RALGAPA1: variants seen among roughly 807,000 people sequenced by gnomAD.
RALGAPA1 encodes ral GTPase-activating protein subunit alpha-1.
In RALGAPA1, 52 loss-of-function variants were observed where a neutral mutation model predicts 269.6. The ratio of observed to expected loss-of-function variants is 0.19; its 90% CI spans 0.15 to 0.24. The LOEUF is 0.24. Ranked by LOEUF, RALGAPA1 falls within the 10% of genes least tolerant of loss-of-function variation. RALGAPA1 has a pLI of 1.00. For synonymous variants in RALGAPA1, 817 were observed against 1,008.3 expected (o/e 0.81, Z 3.60); for missense variants, 1,917 against 3,013.9 (o/e 0.64, Z 8.52).
chr14:35,796,812 G>GC (rs2076595059), intron 1 of RALGAPA1, among the ~76,000 whole-genome samples: 1 of 150,146 alleles, frequency 6.7e-6, no homozygotes, highest in Non-Finnish European at 1.5e-5. Context: ...ATGGAGTCTC[G>GC]CTCTGTTGCC....
intron 31 of RALGAPA1, among the ~76,000 whole-genome samples, chr14:35,643,583 C>T (rs2062178989): frequency 6.6e-6 from 1 of 152,182 alleles, no homozygotes; most frequent in African/African-American, 2.4e-5. Context: ...TACCTACATT[C>T]CCATGTTTAC....
intron 41 of RALGAPA1, among the ~76,000 whole-genome samples, chr14:35,544,978 T>C (rs1046268337): frequency 6.6e-6 from 1 of 151,936 alleles, no homozygotes; most frequent in Middle Eastern, 3.4e-3. Flanking sequence ...ACCCGGGAGG[T>C]GGAGGTTGCA....
intron 17 of RALGAPA1, among the ~76,000 whole-genome samples, chr14:35,698,706 A>G (rs749127089): frequency 2.0e-5 from 3 of 152,198 alleles, no homozygotes; most frequent in Non-Finnish European, 4.4e-5. Flanking sequence ...TGTATCCAAG[A>G]GAAGTTTACA....
chr14:35,770,896 T>G (rs764116490), intron 4 of RALGAPA1, 46 bp downstream of exon 4: 3 of 734,034 alleles, frequency 4.1e-6, no homozygotes, highest in Non-Finnish European at 6.5e-6. Context: ...ATTTTTCATA[T>G]ATTATCCTTT....
chr14:35,733,248 C>T (rs967011897), intron 12 of RALGAPA1, among the ~76,000 whole-genome samples: 2 of 152,228 alleles, frequency 1.3e-5, no homozygotes, highest in South Asian at 2.1e-4. Flanking sequence ...GAGGCTGAGG[C>T]GGGCGGATCA....
intron 17 of RALGAPA1, among the ~76,000 whole-genome samples, chr14:35,690,728 C>T (rs2066405641): frequency 6.6e-6 from 1 of 152,134 alleles, no homozygotes; most frequent in Admixed American, 6.5e-5. Flanking sequence ...TTCCATTAAA[C>T]AGCCATCAAG....
Position 35,688,583 on chromosome 14 carries a change from AAC to A in RALGAPA1, c.3826_3827del (p.Val1276CysfsTer44), listed in dbSNP as rs2066174564. ...QGSLGGVYKT[V>X]VHALSKPKAN... ...CCTTCGGCTTCGAAAGAGCATGTAC[AAC>A]AGTTTTATAAACGCCACCCAGGGAG... On this transcript the variant is annotated frameshift_variant, in exon 18 of 42. Coordinates refer to ENST00000680220, the MANE Select transcript of RALGAPA1 (RefSeq NM_001346249.2). LOFTEE classifies it high-confidence loss of function. 4 of 1,536,022 alleles carry A rather than the reference AAC, an allele frequency of 2.6e-6. No individual in the cohort carries two copies. The highest frequency in any genetic ancestry group is 3.5e-6 in the Non-Finnish European group (4 of 1,146,864).
intron 37 of RALGAPA1, among the ~76,000 whole-genome samples, chr14:35,579,501 G>T (rs540333818): frequency 6.6e-6 from 1 of 151,968 alleles, no homozygotes; most frequent in African/African-American, 2.4e-5. Flanking sequence ...CCAGCTACTC[G>T]GGAGGCTGAG....
Position 35,591,821 on chromosome 14 carries a change from G to A in RALGAPA1, c.7209+3813C>T, listed in dbSNP as rs192406268. ...ATTGTAATCCACATGTGTCAAGGGA[G>A]GAACCTGGTGGGAGGTGACTGGATT... On this transcript the variant is annotated intron_variant, in intron 37 of 41. Transcript: ENST00000680220. Among the ~76,000 whole-genome samples the A allele has an allele frequency of 2.0e-3, 311 of 152,300 alleles. 3 individuals are homozygous for A. Among genetic ancestry groups the A allele is most frequent in the African/African-American group, 7.1e-3 (295 of 41,566 alleles).
chr14:35,657,745 G>A (rs1387065960), intron 28 of RALGAPA1, among the ~76,000 whole-genome samples: 1 of 150,496 alleles, frequency 6.6e-6, no homozygotes, highest in Non-Finnish European at 1.5e-5. Flanking sequence ...AAGCACTAAG[G>A]TCAAACTTGG....
intron 1 of RALGAPA1, among the ~76,000 whole-genome samples, chr14:35,776,693 T>C (rs975672022): frequency 8.5e-5 from 13 of 152,224 alleles, no homozygotes; most frequent in East Asian, 1.9e-4. Flanking sequence ...GAGTACATAA[T>C]ATCTGAAAAG....
chr14:35,586,555 T>G (rs976806117), intron 37 of RALGAPA1, among the ~76,000 whole-genome samples: 1 of 152,238 alleles, frequency 6.6e-6, no homozygotes, highest in African/African-American at 2.4e-5. Context: ...CTTCCAGTTT[T>G]TGCCCATTCA....
chr14:35,583,074 A>G (rs558542994), intron 37 of RALGAPA1, among the ~76,000 whole-genome samples: 2 of 152,334 alleles, frequency 1.3e-5, no homozygotes, highest in East Asian at 1.9e-4. Context: ...GACAAAAAAC[A>G]TAGTCTAAAG....
intron 21 of RALGAPA1, among the ~76,000 whole-genome samples, chr14:35,679,567 C>CAG (rs2065234630): frequency 6.6e-6 from 1 of 152,198 alleles, no homozygotes; most frequent in African/African-American, 2.4e-5. Flanking sequence ...TTACTGACTA[C>CAG]TGTACTGAAA....
intron 37 of RALGAPA1, among the ~76,000 whole-genome samples, chr14:35,577,732 A>G (rs200372316): frequency 1.3e-5 from 2 of 152,164 alleles, no homozygotes; most frequent in East Asian, 3.9e-4. Flanking sequence ...TGGAGACTAG[A>G]ATTCTTATAA....
At chr14:35,660,215 T>C (rs1481650727) in intron 27 of RALGAPA1, among the ~76,000 whole-genome samples, 2 of 152,010 alleles carry the variant, frequency 1.3e-5, no homozygotes, top group Admixed American at 6.6e-5. Context: ...TTCTTCCTTT[T>C]ACAACTGTCT....
At chr14:35,671,553 A>G in intron 25 of RALGAPA1, 36 bp from the exon 26 acceptor site, 1 of 1,204,026 alleles carries the variant, frequency 8.3e-7, no homozygotes, top group Non-Finnish European at 1.2e-6. Flanking sequence ...AGAATATCAC[A>G]TATGTAATCT....
intron 17 of RALGAPA1, among the ~76,000 whole-genome samples, chr14:35,692,064 CG>C (rs1301628916): frequency 4.6e-5 from 7 of 152,028 alleles, no homozygotes; most frequent in African/African-American, 1.7e-4. Flanking sequence ...ATAAATATTT[CG>C]GTTTTTTACA....
At chr14:35,651,697 G>T in intron 31 of RALGAPA1, 108 bp downstream of exon 31, 2 of 988,290 alleles carry the variant, frequency 2.0e-6, no homozygotes, top group Non-Finnish European at 2.8e-6. Flanking sequence ...AGTAGATTCT[G>T]AACAAGGATA....
Sources: allele counts gnomAD v4.1 joint callset (sites outside exome capture counted in the v4.1 genomes callset), GRCh38; gene constraint gnomAD v4.1.1; transcripts MANE v1.5; gene names NCBI Gene and HGNC (gene_info 2026-07-23, HGNC 2026-07-21).